Variants in RP1L1 observed in about 807,000 individuals in gnomAD.
RP1L1 encodes RP1 like 1, also known as retinitis pigmentosa 1-like 1 protein.
RP1L1 carries 27 observed loss-of-function variants against 15.7 expected under a neutral mutation model. The observed-to-expected ratio is 1.72, with a 90% CI of 1.27 to 2.38. The LOEUF (loss-of-function observed/expected upper bound fraction) is 2.38. Among genes scored for constraint, RP1L1 ranks in the 30% most tolerant of loss-of-function variants. RP1L1 has a pLI of 0.00. For synonymous variants in RP1L1, 1,813 were observed against 1,276.7 expected, an observed-to-expected ratio of 1.42 and a Z score of -8.96; for missense variants, 4,798 against 3,075.9, an observed-to-expected ratio of 1.56 and a Z score of -13.24.
At chr8:10,643,744 G>C (rs543407423) in intron 1 of RP1L1, among the ~76,000 whole-genome samples, 2 of 152,134 alleles carry the variant, frequency 1.3e-5, no homozygotes, top group African/African-American at 4.8e-5. Flanking sequence ...TGTGGGTGCT[G>C]GAAAAACACT....
At chr8:10,646,465 G>T (rs146982046) in intron 1 of RP1L1, among the ~76,000 whole-genome samples, 2 of 152,106 alleles carry the variant, frequency 1.3e-5, no homozygotes, top group African/African-American at 4.8e-5. Flanking sequence ...GATTTTGCCC[G>T]TTATTGGAGC....
chr8:10,613,086 G>T lies in RP1L1; in HGVS notation c.1012C>A (p.Leu338Ile), dbSNP rs556215264. 1 of 1,613,838 alleles carries T rather than the reference G, an allele frequency of 6.2e-7. No individual in the cohort carries two copies. The highest frequency in any genetic ancestry group is 8.5e-7 in the Non-Finnish European group (1 of 1,180,030). ...RFHLVGEDTL[L>I]WSRRMGRASA... Reference sequence around the variant, plus strand: ...GCCCTGCCCATCCTCCGGGACCATAGGAGCGTGTCCTCGCCGACCAGGTGG... The same window carrying T: ...GCCCTGCCCATCCTCCGGGACCATATGAGCGTGTCCTCGCCGACCAGGTGG... The change falls in exon 4 of 4, where the codon CTA becomes ATA. Residue 338 changes from leucine to isoleucine, a missense_variant. Transcript: ENST00000382483.
chr8:10,629,570 C>G (rs774082824), intron 1 of RP1L1, among the ~76,000 whole-genome samples: 5 of 152,164 alleles, frequency 3.3e-5, no homozygotes, highest in African/African-American at 7.2e-5. Flanking sequence ...CCCAAGGCAG[C>G]TTGGGCTACT....
intron 3 of RP1L1, among the ~76,000 whole-genome samples, chr8:10,613,707 T>A (rs1467999537): frequency 1.3e-5 from 2 of 149,244 alleles, no homozygotes; most frequent in Admixed American, 1.3e-4. Flanking sequence ...GGCAGGAGAA[T>A]CCCCTGAGTC....
At chr8:10,635,095 G>C (rs1413881818) in intron 1 of RP1L1, among the ~76,000 whole-genome samples, 1 of 152,196 alleles carries the variant, frequency 6.6e-6, no homozygotes, top group Non-Finnish European at 1.5e-5. Flanking sequence ...CAATGGAACC[G>C]GGGAGGGAAC....
rs558932296 is a variant in RP1L1, at chr8:10,608,514, C to T, written c.5584G>A (p.Glu1862Lys). 1.4e-5 allele frequency: 18 copies of T among 1,310,596 alleles called. No homozygotes were observed. The East Asian group carries it at 2.9e-4, about 21-fold the overall frequency. 81.2% of individuals were successfully genotyped at this position (1,310,596 alleles called of 1,614,324 possible). ...TCTGGCTGGGCCTCCCCTTCAGCCTCCTGGGCATCCCCTTCTGCCTCTGGG... is the reference window on the plus strand; with the variant it reads ...TCTGGCTGGGCCTCCCCTTCAGCCTTCTGGGCATCCCCTTCTGCCTCTGGG... The part of the protein sequence containing the change: ...EAPEAEGDAQ[E>K]AEGEAQPESE... Residue 1862 changes from glutamate to lysine, a missense_variant, in exon 4 of 4, where the codon GAG becomes AAG. Transcript: ENST00000382483.
Position 10,612,720 on chromosome 8 carries a change from C to T in RP1L1, c.1378G>A (p.Gly460Ser), listed in dbSNP as rs369924450. The change falls in exon 4 of 4, where the codon GGC becomes AGC. Residue 460 changes from glycine to serine, a missense_variant. Physicochemically the swap from Gly to Ser is moderately conservative, Grantham distance 56. Coordinates refer to ENST00000382483, the MANE Select transcript of RP1L1 (RefSeq NM_178857.6). ...TCTGGCTCCGAGCCCTCGGGGAGGC[C>T]GGTGCTGGAGGCTGGGCTGGCACTG... is the stretch of plus-strand genomic sequence containing the variant. ...QDSASPASST[G>S]LPEGSEPESS... 90 of 1,605,524 alleles carry T rather than the reference C, an allele frequency of 5.6e-5. No individual in the cohort carries two copies. The highest frequency in any genetic ancestry group is 1.7e-4 in the Middle Eastern group (1 of 6,052).
At chr8:10,629,235 C>G (rs1563134331) in intron 1 of RP1L1, among the ~76,000 whole-genome samples, 2 of 152,218 alleles carry the variant, frequency 1.3e-5, no homozygotes, top group African/African-American at 4.8e-5. Flanking sequence ...CCAGCAGCTG[C>G]TGGTGCTGGA....
Position 10,613,064 on chromosome 8 carries a change from C to G in RP1L1, c.1034G>C (p.Arg345Thr). 1.2e-6 allele frequency: 2 copies of G among 1,613,708 alleles called. No homozygotes were observed. The highest frequency in any genetic ancestry group is 1.6e-4 in the Middle Eastern group (1 of 6,062). Residue 345 changes from arginine to threonine, a missense_variant, in exon 4 of 4, where the codon AGG becomes ACG. Arg to Thr is a moderately conservative substitution (Grantham distance 71). Coordinates refer to ENST00000382483, the MANE Select transcript of RP1L1 (RefSeq NM_178857.6). ...DTLLWSRRMG[R>T]ASALTAASGE... ...ACTGGCTGCCGTGAGGGCGCTGGCC[C>G]TGCCCATCCTCCGGGACCATAGGAG...
In RP1L1 at chr8:10,622,705, T is replaced by C. The variant is rs763816637; in HGVS notation, c.497A>G (p.Gln166Arg). Residue 166 changes from glutamine to arginine, a missense_variant, in exon 2 of 4, where the codon CAG (glutamine) becomes CGG (arginine). Gln to Arg is a conservative substitution (Grantham distance 43). Coordinates refer to ENST00000382483, the MANE Select transcript of RP1L1 (RefSeq NM_178857.6). ...ATTCCTGTGACTGAGAACCACTGTC[T>C]GCTGGAGGCGAGGGTCCATGTTCTT... ...LIKNMDPRLQ[Q>R]TVVLSHRNTR... 2 of 1,614,178 alleles carry C rather than the reference T, an allele frequency of 1.2e-6. No homozygotes were observed. The highest frequency in any genetic ancestry group is 1.7e-6 in the Non-Finnish European group (2 of 1,180,024).
At chr8:10,643,665 C>A (rs1000474105) in intron 1 of RP1L1, among the ~76,000 whole-genome samples, 2 of 152,032 alleles carry the variant, frequency 1.3e-5, no homozygotes, top group Admixed American at 1.3e-4. Context: ...TGTGGTCTTT[C>A]CTGCCTGGGA....
In RP1L1 at chr8:10,623,093, T is replaced by C. The variant is rs755268691; in HGVS notation, c.109A>G (p.Thr37Ala). The change falls in exon 2 of 4, where the codon ACC becomes GCC. Residue 37 changes from threonine to alanine, a missense_variant. Coordinates refer to ENST00000382483, the MANE Select transcript of RP1L1 (RefSeq NM_178857.6). ...VTKVTPAKKI[T>A]FLKRGDPRFA... ...CGTGGATCCCCTCGCTTGAGGAAGGTGATCTTCTTGGCTGGCGTGACCTTG... is the reference window on the plus strand; with the variant it reads ...CGTGGATCCCCTCGCTTGAGGAAGGCGATCTTCTTGGCTGGCGTGACCTTG... 23 of 1,613,508 alleles carry C rather than the reference T, an allele frequency of 1.4e-5. No homozygotes were observed. The highest frequency in any genetic ancestry group is 1.8e-5 in the Non-Finnish European group (21 of 1,179,878).
chr8:10,652,974 T>C (rs1798584531), intron 1 of RP1L1, among the ~76,000 whole-genome samples: 1 of 152,192 alleles, frequency 6.6e-6, no homozygotes, highest in Non-Finnish European at 1.5e-5. Flanking sequence ...GCCCAGTGCC[T>C]CAGGCCACTG....
chr8:10,617,507 G>C (rs1406881036), intron 2 of RP1L1, among the ~76,000 whole-genome samples: 1 of 144,042 alleles, frequency 6.9e-6, no homozygotes, highest in Non-Finnish European at 1.5e-5. Flanking sequence ...TAGGTAATTA[G>C]AAGTTTGTTT....
intron 1 of RP1L1, among the ~76,000 whole-genome samples, chr8:10,645,826 G>C (rs1394348695): frequency 6.6e-6 from 1 of 152,330 alleles, no homozygotes; most frequent in South Asian, 2.1e-4. Flanking sequence ...TTGGCCACCA[G>C]GGACCTCTGA....
intron 1 of RP1L1, among the ~76,000 whole-genome samples, chr8:10,645,310 G>A (rs1798460660): frequency 6.6e-6 from 1 of 152,184 alleles, no homozygotes; most frequent in African/African-American, 2.4e-5. Flanking sequence ...CTGGGCTACA[G>A]AGTGAGACCC....
chr8:10,621,627 TATG>T (rs1798060441), intron 2 of RP1L1: 1 of 447,502 alleles, frequency 2.2e-6, no homozygotes, highest in Admixed American at 2.4e-5. Context: ...TGCCCAGTGA[TATG>T]ATATTTATGA....
intron 1 of RP1L1, among the ~76,000 whole-genome samples, chr8:10,631,836 G>A (rs1798257973): frequency 6.6e-6 from 1 of 152,224 alleles, no homozygotes; most frequent in Non-Finnish European, 1.5e-5. Context: ...CGGCGGGGAA[G>A]ACACTGCCAG....
rs1491547964 is a variant in RP1L1, at chr8:10,609,380, T to TG, written c.4717_4718insC (p.Lys1573ThrfsTer13). On this transcript the variant is annotated frameshift_variant, in exon 4 of 4. Coordinates refer to ENST00000382483, the MANE Select transcript of RP1L1 (RefSeq NM_178857.6). LOFTEE classifies it low-confidence loss of function (END_TRUNC). ...GCCCTGGAGCTTCTGGAGCTCTCTC[T>TG]TGGTGCTGTCCTGGAGGCGTTGGGC... The TG allele has an allele frequency of 1.2e-6, 2 of 1,612,396 alleles. No homozygotes were observed. The highest frequency in any genetic ancestry group is 3.3e-5 in the Admixed American group (2 of 59,984).
Sources: gnomAD v4.1 joint callset for allele counts (sites outside exome capture counted in the v4.1 genomes callset) on GRCh38, gnomAD v4.1.1 for gene constraint, MANE v1.5 for transcripts, NCBI Gene and HGNC (gene_info 2026-07-23, HGNC 2026-07-21) for gene names.